OXR1: variants seen among roughly 807,000 people sequenced by gnomAD.
The protein encoded by OXR1 is oxidation resistance 1, also known as oxidation resistance protein 1.
Under a neutral mutation model 104.6 loss-of-function variants are expected in OXR1, and 41 were observed. That is an observed-to-expected ratio of 0.39 (90% CI 0.31 to 0.51). The LOEUF is 0.51. Among genes scored for constraint, OXR1 ranks in the 20% least tolerant of loss-of-function variants. OXR1 has a pLI of 0.77. For synonymous variants in OXR1, 348 were observed against 348.4 expected (o/e 1.00, Z 0.01); for missense variants, 955 against 1,031.9 (o/e 0.93, Z 1.02).
At chr8:106,537,881 A>G (rs1814666639) in intron 3 of OXR1, among the ~76,000 whole-genome samples, 2 of 152,142 alleles carry the variant, frequency 1.3e-5, no homozygotes, top group Non-Finnish European at 2.9e-5. Context: ...GGAAGGAGAG[A>G]GGAAAAAGAG....
chr8:106,739,105 C>T (rs1765251248), intron 12 of OXR1, among the ~76,000 whole-genome samples: 1 of 151,038 alleles, frequency 6.6e-6, no homozygotes, highest in South Asian at 2.1e-4. Flanking sequence ...CACACACACA[C>T]ACACACACAC....
intron 16 of OXR1, among the ~76,000 whole-genome samples, chr8:106,748,849 C>T (rs1835629284): frequency 6.6e-6 from 1 of 151,694 alleles, no homozygotes; most frequent in South Asian, 2.1e-4. Context: ...GGATTATAGG[C>T]GTGAGGCACT....
chr8:106,540,826 G>GGA (rs1814900134), intron 3 of OXR1, among the ~76,000 whole-genome samples: 1 of 152,194 alleles, frequency 6.6e-6, no homozygotes, highest in Admixed American at 6.5e-5. Context: ...AAAACCATCA[G>GGA]ATCTCGTGAG....
intron 3 of OXR1, among the ~76,000 whole-genome samples, chr8:106,560,031 C>T (rs537850867): frequency 6.6e-6 from 1 of 152,230 alleles, no homozygotes; most frequent in Admixed American, 6.5e-5. Context: ...GCAAAAGAGA[C>T]ACACCCCATT....
chr8:106,436,951 C>T (rs1331762523), intron 2 of OXR1, among the ~76,000 whole-genome samples: 1 of 152,096 alleles, frequency 6.6e-6, no homozygotes, highest in Admixed American at 6.6e-5. Flanking sequence ...GTACATTGTA[C>T]CTTCCCCAAA....
chr8:106,386,138 C>G (rs1384268267), intron 2 of OXR1, among the ~76,000 whole-genome samples: 1 of 152,148 alleles, frequency 6.6e-6, no homozygotes, highest in Non-Finnish European at 1.5e-5. Flanking sequence ...GCTTCTGTAA[C>G]TGTCTACTAT....
At chr8:106,575,371 A>G (rs546304943) in intron 3 of OXR1, among the ~76,000 whole-genome samples, 45 of 150,984 alleles carry the variant, frequency 3.0e-4, no homozygotes, top group African/African-American at 1.1e-3. Flanking sequence ...AGTTTTTTTC[A>G]TATCACCCTC....
chr8:106,317,375 C>A (rs963250667), intron 1 of OXR1, among the ~76,000 whole-genome samples: 1 of 151,990 alleles, frequency 6.6e-6, no homozygotes, highest in Non-Finnish European at 1.5e-5. Flanking sequence ...CATGAGGTAT[C>A]CAAACAGTAG....
At chr8:106,489,838 A>C (rs1263692175) in intron 2 of OXR1, among the ~76,000 whole-genome samples, 2 of 152,192 alleles carry the variant, frequency 1.3e-5, no homozygotes, top group African/African-American at 4.8e-5. Flanking sequence ...AAAATAATTT[A>C]ACCTTTTCTA....
intron 3 of OXR1, among the ~76,000 whole-genome samples, chr8:106,634,945 C>T (rs547563704): frequency 6.6e-6 from 1 of 152,184 alleles, no homozygotes; most frequent in African/African-American, 2.4e-5. Flanking sequence ...TCTAGCCCTC[C>T]CCAGACCCTA....
At chr8:106,725,309 T>C (rs1833226285) in intron 11 of OXR1, among the ~76,000 whole-genome samples, 1 of 152,030 alleles carries the variant, frequency 6.6e-6, no homozygotes, top group African/African-American at 2.4e-5. Context: ...GTAGTGTGTG[T>C]GTGAAAAGGT....
intron 13 of OXR1, 101 bp from the exon 14 acceptor site, chr8:106,740,242 A>T: frequency 1.4e-6 from 1 of 718,086 alleles, no homozygotes; most frequent in Non-Finnish European, 2.3e-6. Flanking sequence ...TTATTTTTAT[A>T]GCCTATATTA....
intron 1 of OXR1, among the ~76,000 whole-genome samples, chr8:106,317,907 A>G (rs1363639931): frequency 1.3e-5 from 2 of 152,146 alleles, no homozygotes; most frequent in Non-Finnish European, 2.9e-5. Flanking sequence ...TAATATTCCA[A>G]TCTTCCTTCT....
chr8:106,671,817 G>A (rs565566823), intron 3 of OXR1, among the ~76,000 whole-genome samples: 2 of 117,922 alleles, frequency 1.7e-5, no homozygotes, highest in Non-Finnish European at 3.4e-5. Flanking sequence ...AGGGCCTGTC[G>A]TGGGGTGGGG....
At chr8:106,580,709 A>G (rs1586842497) in intron 3 of OXR1, among the ~76,000 whole-genome samples, 3 of 152,196 alleles carry the variant, frequency 2.0e-5, no homozygotes, top group South Asian at 2.1e-4. Context: ...TGGCAGTTCC[A>G]ATTTCTCCAC....
At chr8:106,281,799 C>CAAAA (rs59515650) in intron 1 of OXR1, among the ~76,000 whole-genome samples, 3 of 62,940 alleles carry the variant, frequency 4.8e-5, no homozygotes, top group Non-Finnish European at 6.6e-5. Context: ...GACTCTATCT[C>CAAAA]AAAAAAAAAA....
At chr8:106,626,974 C>T (rs1349078733) in intron 3 of OXR1, among the ~76,000 whole-genome samples, 1 of 151,880 alleles carries the variant, frequency 6.6e-6, no homozygotes, top group Non-Finnish European at 1.5e-5. Context: ...TACATTTCCT[C>T]TATTATGTTT....
At chr8:106,687,307 G>GT (rs1828831307) in intron 6 of OXR1, among the ~76,000 whole-genome samples, 1 of 152,096 alleles carries the variant, frequency 6.6e-6, no homozygotes, top group African/African-American at 2.4e-5. Flanking sequence ...CTAAATTTAG[G>GT]TATCTGTTTC....
At chr8:106,695,652 T>A (rs1246172471) in intron 7 of OXR1, among the ~76,000 whole-genome samples, 1 of 152,104 alleles carries the variant, frequency 6.6e-6, no homozygotes, top group Admixed American at 6.6e-5. Flanking sequence ...ACTGCTGACC[T>A]CGTGATCCGC....
Sources: allele counts gnomAD v4.1 joint callset (sites outside exome capture counted in the v4.1 genomes callset), GRCh38; gene constraint gnomAD v4.1.1; transcripts MANE v1.5; gene names NCBI Gene and HGNC (gene_info 2026-07-23, HGNC 2026-07-21).